REPS1: variants seen among roughly 807,000 people sequenced by gnomAD.
REPS1 encodes the protein RALBP1 associated Eps domain containing 1.
REPS1 carries 39 observed loss-of-function variants against 100.9 expected under a neutral mutation model. That is an observed-to-expected ratio of 0.39 (90% CI 0.30 to 0.50). The LOEUF is 0.50. REPS1 is among the 20% of genes least tolerant of loss of function. The pLI, the probability that REPS1 is intolerant of heterozygous loss-of-function variation, is 0.86. For synonymous variants in REPS1, 324 were observed against 340.3 expected, an observed-to-expected ratio of 0.95 and a Z score of 0.53; for missense variants, 821 against 968.5, an observed-to-expected ratio of 0.85 and a Z score of 2.02.
chr6:138,920,275 C>T lies in REPS1; in HGVS notation c.1468G>A (p.Asp490Asn). Residue 490 changes from aspartate (D) to asparagine (N), a missense_variant, in exon 12 of 20, where the codon GAC (aspartate) becomes AAC (asparagine). This residue lies in a region of REPS1 where 757 missense variants were observed against 866.4 expected (regional missense o/e 0.87). Transcript: ENST00000450536. ...PTSPLLVKPS[D>N]LLEENKINSS... is the part of the protein sequence containing the mutation. Reference sequence around the variant, plus strand: ...TTTATCTTATTTTCTTCTAAAAGGTCAGATGGTTTCACAAGTAATGGGCTA... The same window carrying T: ...TTTATCTTATTTTCTTCTAAAAGGTTAGATGGTTTCACAAGTAATGGGCTA... 1 of 1,604,156 alleles carries T rather than the reference C, an allele frequency of 6.2e-7. No individual in the cohort carries two copies. Among genetic ancestry groups the T allele is most frequent in the East Asian group, 2.2e-5 (1 of 44,780 alleles).
Position 138,944,503 on chromosome 6 carries a change from C to G in REPS1, c.748G>C (p.Val250Leu), listed in dbSNP as rs772356504. 1.9e-6 allele frequency: 3 copies of G among 1,613,740 alleles called. No homozygotes were observed. Among genetic ancestry groups the G allele is most frequent in the Non-Finnish European group, 2.5e-6 (3 of 1,179,834 alleles). The change falls in exon 5 of 20, where the codon GTC becomes CTC. Residue 250 changes from valine to leucine, a missense_variant. Physicochemically the swap from Val to Leu is conservative, Grantham distance 32. Transcript: ENST00000450536. ...STLLTMHPASVQDQTTVRTVA... is the reference protein window; with the variant it reads ...STLLTMHPASLQDQTTVRTVA... ...ATACCAATAAAATGTCACACCTGGA[C>G]AGAAGCAGGATGCATGGTTAAAAGA... is the stretch of plus-strand genomic sequence containing the variant.
At chr6:138,968,664 G>T (rs1784146505) in intron 1 of REPS1, among the ~76,000 whole-genome samples, 1 of 152,020 alleles carries the variant, frequency 6.6e-6, no homozygotes, top group Non-Finnish European at 1.5e-5. Flanking sequence ...AAGAAACTTT[G>T]TATCATGTAT....
At chr6:138,952,967 AGCTGGGATTACAGGCACGT>A (rs1401827904) in intron 1 of REPS1, among the ~76,000 whole-genome samples, 1 of 150,848 alleles carries the variant, frequency 6.6e-6, no homozygotes, top group Non-Finnish European at 1.5e-5. Flanking sequence ...CATCCCAAGT[AGCTGGGATTACAGGCACGT>A]GCCACCACAC....
intron 1 of REPS1, among the ~76,000 whole-genome samples, chr6:138,954,060 C>T (rs139834249): frequency 5.3e-5 from 8 of 151,068 alleles, no homozygotes; most frequent in African/African-American, 1.5e-4. Flanking sequence ...TGGAACTGGA[C>T]GACATTGTGT....
intron 1 of REPS1, among the ~76,000 whole-genome samples, chr6:138,966,122 A>G (rs189681255): frequency 1.7e-3 from 256 of 152,252 alleles, no homozygotes; most frequent in African/African-American, 5.8e-3. Flanking sequence ...TACCAACTGT[A>G]CTATGTTGCC....
chr6:138,954,126 A>G (rs1258094203), intron 1 of REPS1, among the ~76,000 whole-genome samples: 1 of 152,174 alleles, frequency 6.6e-6, no homozygotes, highest in African/African-American at 2.4e-5. Flanking sequence ...AAAAAAAAAA[A>G]AGTTGATCTC....
At chr6:138,957,981 T>A (rs1783504455) in intron 1 of REPS1, among the ~76,000 whole-genome samples, 2 of 151,870 alleles carry the variant, frequency 1.3e-5, no homozygotes, top group South Asian at 4.1e-4. Flanking sequence ...AGAAACCGAG[T>A]GGGAGAAGTA....
intron 19 of REPS1, 128 bp downstream of exon 19, chr6:138,907,367 C>A: frequency 2.0e-6 from 1 of 492,984 alleles, no homozygotes; most frequent in East Asian, 3.4e-5. Flanking sequence ...TAACCACAGT[C>A]AAAGCATCTA....
In REPS1 at chr6:138,904,701, A is replaced by C. The variant is rs1779524321; in HGVS notation, c.*363T>G. 1 of 162,460 alleles carries C rather than the reference A, an allele frequency of 6.2e-6. No homozygotes were observed. The highest frequency in any genetic ancestry group is 1.7e-4 in the East Asian group (1 of 5,774). 10.1% of individuals were successfully genotyped at this position (162,460 alleles called of 1,614,324 possible). ...CTTTATGTAAAATATTAAACATAAA[A>C]GGACAAACTGACAATTTATTTCTGA... On this transcript the variant is annotated 3_prime_UTR_variant, in exon 20 of 20. Transcript: ENST00000450536.
chr6:138,946,101 G>A (rs1319595370), intron 2 of REPS1, among the ~76,000 whole-genome samples: 6 of 152,272 alleles, frequency 3.9e-5, no homozygotes, highest in African/African-American at 1.4e-4. Flanking sequence ...TATAAACCTA[G>A]ATCAGTCAGA....
At chr6:138,967,177 G>A (rs1784072857) in intron 1 of REPS1, among the ~76,000 whole-genome samples, 1 of 152,222 alleles carries the variant, frequency 6.6e-6, no homozygotes, top group African/African-American at 2.4e-5. Flanking sequence ...GAAGGCCCTA[G>A]CCAGATATGA....
chr6:138,930,936 T>C lies in REPS1; in HGVS notation c.1136-838A>G, dbSNP rs139430439. ...AGGTATCATATTCTACTTTTAAGCATAGTTAAGCTTAATTTAAAATAACTC... is the reference window on the plus strand; with the variant it reads ...AGGTATCATATTCTACTTTTAAGCACAGTTAAGCTTAATTTAAAATAACTC... On this transcript the variant is annotated intron_variant, in intron 8 of 19. Coordinates refer to ENST00000450536, the MANE Select transcript of REPS1 (RefSeq NM_001286611.2). Among the ~76,000 whole-genome samples the C allele has an allele frequency of 7.1e-3, 1,085 of 152,298 alleles. 11 individuals are homozygous for C. The highest frequency in any genetic ancestry group is 0.024 in the African/African-American group (995 of 41,554).
At chr6:138,950,997 G>C (rs1782984841) in intron 1 of REPS1, 1 of 152,236 alleles carries the variant, frequency 6.6e-6, no homozygotes, top group African/African-American at 2.4e-5. Context: ...AGGCCGGCCT[G>C]ACCAACATGA....
rs1182925178 is a variant in REPS1 at position 138,904,036 on chromosome 6, T to C, written c.*1028A>G. 7 of 152,346 alleles carry C rather than the reference T, an allele frequency of 4.6e-5. No individual in the cohort carries two copies. The East Asian group carries it at 1.2e-3, about 25-fold the overall frequency. 9.4% of individuals were successfully genotyped at this position (152,346 alleles called of 1,614,324 possible). ...AAAGTTAAAATATTATGCTGTTTTA[T>C]TGGTGTAAAACCACACTTCTGATTC... On this transcript the variant is annotated 3_prime_UTR_variant, in exon 20 of 20. Coordinates refer to ENST00000450536, the MANE Select transcript of REPS1 (RefSeq NM_001286611.2).
At chr6:138,984,078 CTTTT>C (rs748774209) in intron 1 of REPS1, among the ~76,000 whole-genome samples, 6 of 134,446 alleles carry the variant, frequency 4.5e-5, no homozygotes, top group Admixed American at 7.4e-5. Context: ...CTCTCTCTCT[CTTTT>C]TTTTTTTTTT....
At chr6:138,913,256 C>T (rs895892235) in intron 15 of REPS1, among the ~76,000 whole-genome samples, 1 of 152,062 alleles carries the variant, frequency 6.6e-6, no homozygotes, top group Non-Finnish European at 1.5e-5. Context: ...CCCCATTCTC[C>T]ACTTGCATGT....
chr6:138,963,901 C>A (rs1783874141), intron 1 of REPS1, among the ~76,000 whole-genome samples: 1 of 152,070 alleles, frequency 6.6e-6, no homozygotes, highest in Admixed American at 6.6e-5. Flanking sequence ...ATTCATAAGC[C>A]ATGTATATAT....
Position 138,915,950 on chromosome 6 carries a change from T to G in REPS1, c.1628A>C (p.Asn543Thr), listed in dbSNP as rs1272578376. Reference sequence around the variant, plus strand: ...TGGAGGGGGAGGTGGTGGTGCAGTGTTATCAGGCGACGTTCCTGAATGAGA... The same window carrying G: ...TGGAGGGGGAGGTGGTGGTGCAGTGGTATCAGGCGACGTTCCTGAATGAGA... ...QRSHSGTSPDNTAPPPPPPRP... is the reference protein window; with the variant it reads ...QRSHSGTSPDTTAPPPPPPRP... The change falls in exon 14 of 20, where the codon AAC (asparagine) becomes ACC (threonine). Residue 543 changes from asparagine (N) to threonine (T), a missense_variant. Physicochemically the swap from Asn to Thr is moderately conservative, Grantham distance 65. Transcript: ENST00000450536. 3 of 1,613,836 alleles carry G rather than the reference T, an allele frequency of 1.9e-6. No individual in the cohort carries two copies. In the Admixed American group the frequency reaches 5.0e-5, roughly 27 times the overall value.
At chr6:138,959,236 G>C (rs1212215720) in intron 1 of REPS1, among the ~76,000 whole-genome samples, 1 of 152,126 alleles carries the variant, frequency 6.6e-6, no homozygotes, top group Non-Finnish European at 1.5e-5. Context: ...CCTATGCCCA[G>C]AATGAGACTG....
Sources: gnomAD v4.1 joint callset for allele counts (sites outside exome capture counted in the v4.1 genomes callset) on GRCh38, gnomAD v4.1.1 for gene constraint, gnomAD v4.1.1 regional missense constraint, MANE v1.5 for transcripts, NCBI Gene and HGNC (gene_info 2026-07-23, HGNC 2026-07-21) for gene names.